The following CNR2 variants were observed in gnomAD, a reference collection of about 807,000 sequenced individuals.
CNR2 encodes cannabinoid receptor 2, also known as cannabinoid receptor 2 (macrophage).
For missense variants in CNR2, 379 were observed against 439.9 expected (o/e 0.86, Z 1.24); for synonymous variants, 172 against 182.2 (o/e 0.94, Z 0.45).
chr1:23,913,162 A>C (rs1440349963), intron 1 of CNR2, 84 bp downstream of exon 1: 1 of 174,272 alleles, frequency 5.7e-6, no homozygotes, highest in Non-Finnish European at 1.2e-5. Context: ...CTCCGTCTCA[A>C]AAACAAACAA....
At chr1:23,895,442 G>C (rs897009291) in intron 1 of CNR2, among the ~76,000 whole-genome samples, 2 of 152,300 alleles carry the variant, frequency 1.3e-5, no homozygotes, top group East Asian at 1.9e-4. Context: ...TAGATTCAGA[G>C]GGGGCAAGTC....
intron 1 of CNR2, among the ~76,000 whole-genome samples, chr1:23,898,284 G>A (rs964815789): frequency 1.4e-4 from 21 of 148,776 alleles, no homozygotes; most frequent in East Asian, 1.2e-3. Context: ...TGATCCGCCC[G>A]CCTCAGCCTC....
At position 23,875,114 on chromosome 1, in the gene CNR2, G is replaced by A. The variant is rs778488890; in HGVS notation, c.504C>T (p.Pro168=). The change falls in exon 2 of 2, where the codon CCC becomes CCT. Residue 168 remains proline (P), a synonymous_variant. Coordinates refer to ENST00000374472, the MANE Select transcript of CNR2 (RefSeq NM_001841.3). ...WVLSALVSYL[P]LMGWTCCPRP... The stretch of plus-strand genomic sequence containing the variant: ...TGGGACAGCAAGTCCATCCCATGAG[G>A]GGCAGGTAGGAGACTAGTGCTGAGA... The A allele has an allele frequency of 6.2e-7, 1 of 1,604,776 alleles. No individual in the cohort carries two copies. The highest frequency in any genetic ancestry group is 8.5e-7 in the Non-Finnish European group (1 of 1,174,824).
At chr1:23,910,379 A>C (rs1043288985) in intron 1 of CNR2, among the ~76,000 whole-genome samples, 1 of 152,010 alleles carries the variant, frequency 6.6e-6, no homozygotes, top group African/African-American at 2.4e-5. Context: ...CACAGAGCTC[A>C]AATGTGTAGT....
intron 1 of CNR2, among the ~76,000 whole-genome samples, chr1:23,894,802 G>T (rs1640252067): frequency 6.6e-6 from 1 of 151,802 alleles, no homozygotes; most frequent in African/African-American, 2.4e-5. Flanking sequence ...AAAGAAACTT[G>T]CTGGGGACAT....
At position 23,902,329 on chromosome 1, in the gene CNR2, G is replaced by A. The variant is rs1640414680; in HGVS notation, c.-46+10917C>T. The A allele has an allele frequency of 1.9e-6, 3 of 1,562,198 alleles. No individual in the cohort carries two copies. The Admixed American group carries it at 5.3e-5, about 28-fold the overall frequency. Reference sequence around the variant, plus strand: ...ATGACCTCCCAGCAGCGCTGGGTCAGGTCGGGCTCCTCAAACAGCCGGCTC... The same window carrying A: ...ATGACCTCCCAGCAGCGCTGGGTCAAGTCGGGCTCCTCAAACAGCCGGCTC... On this transcript the variant is annotated intron_variant, in intron 1 of 1. Coordinates refer to ENST00000374472, the MANE Select transcript of CNR2 (RefSeq NM_001841.3).
intron 1 of CNR2, among the ~76,000 whole-genome samples, chr1:23,906,507 CTT>C (rs66559631): frequency 2.5e-4 from 36 of 141,246 alleles, no homozygotes; most frequent in East Asian, 8.1e-4. Context: ...TTTTCTCTAA[CTT>C]TTTTTTTTTG....
rs372094070 is a variant in CNR2 at position 23,901,579 on chromosome 1, C to G, written c.-46+11667G>C. 4.8e-5 allele frequency: 78 copies of G among 1,613,132 alleles called. 1 individual carries two copies. The African/African-American group carries it at 9.7e-4, about 20-fold the overall frequency. On this transcript the variant is annotated intron_variant, in intron 1 of 1. Transcript: ENST00000374472. ...AGGCCACCTTTCTGCACTGCACTTG[C>G]GTCATCCCCTCCTGCCCAAAGTAGC... is the stretch of plus-strand genomic sequence containing the variant.
Position 23,906,524 on chromosome 1 carries a change from CCTAT to C in CNR2, c.-46+6718_-46+6721del, listed in dbSNP as rs772925708. ...TTCTCTAACTTTTTTTTTTTGTTTTCCTATCTTTCTTTTTTTTCTTTCTTTTTTT... is the reference window on the plus strand; with the variant it reads ...TTCTCTAACTTTTTTTTTTTGTTTTCCTTTCTTTTTTTTCTTTCTTTTTTT... On this transcript the variant is annotated intron_variant, in intron 1 of 1. Transcript: ENST00000374472. Among the ~76,000 whole-genome samples the C allele has an allele frequency of 1.3e-4, 18 of 142,220 alleles. No individual in the cohort carries two copies. The South Asian group carries it at 1.3e-3, about 10-fold the overall frequency. 93.3% of individuals were successfully genotyped at this position (142,220 alleles called of 152,430 possible).
At chr1:23,899,917 GAAA>G in intron 1 of CNR2, among the ~76,000 whole-genome samples, 1 of 2,342 alleles carries the variant, frequency 4.3e-4, no homozygotes, top group African/African-American at 5.2e-4. Flanking sequence ...GAGAAAGAAA[GAAA>G]GAGAAAGAAA....
intron 1 of CNR2, among the ~76,000 whole-genome samples, chr1:23,877,328 G>A (rs920065408): frequency 1.3e-5 from 2 of 152,172 alleles, no homozygotes; most frequent in Non-Finnish European, 2.9e-5. Context: ...CAACTGAAAA[G>A]CATTGATCTA....
At chr1:23,903,213 A>G (rs925063573) in intron 1 of CNR2, among the ~76,000 whole-genome samples, 1 of 152,096 alleles carries the variant, frequency 6.6e-6, no homozygotes, top group Non-Finnish European at 1.5e-5. Flanking sequence ...CTGCTTTTTA[A>G]TGGATTGGTT....
intron 1 of CNR2, among the ~76,000 whole-genome samples, chr1:23,880,684 G>C (rs1178964024): frequency 6.6e-6 from 1 of 151,724 alleles, no homozygotes; most frequent in African/African-American, 2.4e-5. Flanking sequence ...TCCTGCTTCA[G>C]CTTCCTGAGT....
chr1:23,879,808 A>G (rs1293617266), intron 1 of CNR2, among the ~76,000 whole-genome samples: 4 of 152,120 alleles, frequency 2.6e-5, no homozygotes, highest in Admixed American at 2.6e-4. Flanking sequence ...CCTGCTTTTA[A>G]TCAGGCCCAT....
At chr1:23,891,077 A>G (rs2502961) in intron 1 of CNR2, among the ~76,000 whole-genome samples, 127,930 of 151,230 alleles carry the variant, frequency 0.85, 54,219 homozygotes, top group Admixed American at 0.86. Flanking sequence ...ACATGGTTTC[A>G]CCATGTTGGC....
chr1:23,900,946 C>T (rs9424402), intron 1 of CNR2, among the ~76,000 whole-genome samples: 150,459 of 152,276 alleles, frequency 0.99, 74,359 homozygotes, highest in East Asian at 1. Flanking sequence ...CTAGAATGGT[C>T]GCTCCAAGGG....
At chr1:23,902,811 G>T in intron 1 of CNR2, 1 of 1,401,928 alleles carries the variant, frequency 7.1e-7, no homozygotes. Flanking sequence ...GCGGGGGCGC[G>T]GTGCAGGCTG....
chr1:23,875,571 C>A lies in CNR2; in HGVS notation c.47G>T (p.Gly16Val), dbSNP rs745320779. 3.1e-6 allele frequency: 5 copies of A among 1,612,788 alleles called. No individual in the cohort carries two copies. The highest frequency in any genetic ancestry group is 4.2e-6 in the Non-Finnish European group (5 of 1,179,172). ...ATCCTTCATAGGGTTGGAATCCAAGCCATCCTTGGAGCCATTGGCTATCTC... is the reference window on the plus strand; with the variant it reads ...ATCCTTCATAGGGTTGGAATCCAAGACATCCTTGGAGCCATTGGCTATCTC... ...VTEIANGSKD[G>V]LDSNPMKDYM... The change falls in exon 2 of 2, where the codon GGC becomes GTC. Residue 16 changes from glycine (G) to valine (V), a missense_variant. Physicochemically the swap from Gly to Val is moderately radical, Grantham distance 109. Transcript: ENST00000374472.
At chr1:23,898,244 A>G (rs1195851507) in intron 1 of CNR2, among the ~76,000 whole-genome samples, 1 of 151,072 alleles carries the variant, frequency 6.6e-6, no homozygotes. Flanking sequence ...TCACCATGTT[A>G]GCCAGGATGG....
Sources: allele counts gnomAD v4.1 joint callset (sites outside exome capture counted in the v4.1 genomes callset), GRCh38; gene constraint gnomAD v4.1.1; transcripts MANE v1.5; gene names NCBI Gene and HGNC (gene_info 2026-07-23, HGNC 2026-07-21).